The following ME3 variants were observed in gnomAD, a reference collection of about 807,000 sequenced individuals.
The protein encoded by ME3 is malic enzyme 3, also known as NADP-dependent malic enzyme, mitochondrial.
ME3 carries 48 observed loss-of-function variants against 68.9 expected under a neutral mutation model. The ratio of observed to expected loss-of-function variants is 0.70; its 90% CI spans 0.55 to 0.89. The LOEUF (loss-of-function observed/expected upper bound fraction) is 0.89. Ranked by LOEUF, ME3 falls within the 40% of genes least tolerant of loss-of-function variation. The probability of loss-of-function intolerance (pLI) is 0.00; values close to 1 mark genes in which losing one functional copy is unlikely to be tolerated. For synonymous variants in ME3, 320 were observed against 318.8 expected, an observed-to-expected ratio of 1.00 and a Z score of -0.04; for missense variants, 675 against 797.4, an observed-to-expected ratio of 0.85 and a Z score of 1.85.
chr11:86,600,320 G>A (rs1032894109), intron 2 of ME3, among the ~76,000 whole-genome samples: 3 of 152,182 alleles, frequency 2.0e-5, no homozygotes, highest in Admixed American at 6.5e-5. Context: ...TGATAAAACA[G>A]ACTCTAAACC....
At chr11:86,655,440 G>A (rs1226505889) in intron 2 of ME3, among the ~76,000 whole-genome samples, 2 of 151,988 alleles carry the variant, frequency 1.3e-5, no homozygotes, top group Admixed American at 6.6e-5. Flanking sequence ...CAGAAATAAC[G>A]CCACGTATCT....
intron 2 of ME3, among the ~76,000 whole-genome samples, chr11:86,663,039 C>CT (rs1946381327): frequency 6.6e-6 from 1 of 152,190 alleles, no homozygotes. Context: ...TCAACAGAGA[C>CT]TGCCTTCTCC....
At chr11:86,612,663 G>A (rs950510010) in intron 2 of ME3, among the ~76,000 whole-genome samples, 1 of 152,212 alleles carries the variant, frequency 6.6e-6, no homozygotes, top group Non-Finnish European at 1.5e-5. Context: ...CTGATGATCA[G>A]TGATGTTTAG....
intron 7 of ME3, among the ~76,000 whole-genome samples, chr11:86,467,816 G>T (rs1950569895): frequency 6.6e-6 from 1 of 151,886 alleles, no homozygotes; most frequent in African/African-American, 2.4e-5. Context: ...ATTTAATTCA[G>T]TTTTATATAA....
At chr11:86,622,908 C>T (rs371781945) in intron 2 of ME3, 2 of 150,588 alleles carry the variant, frequency 1.3e-5, no homozygotes, top group Non-Finnish European at 2.9e-5. Flanking sequence ...AGGCGGACTA[C>T]CTGGATTCAA....
chr11:86,505,663 C>T (rs557906350), intron 5 of ME3, among the ~76,000 whole-genome samples: 2 of 152,286 alleles, frequency 1.3e-5, no homozygotes, highest in Admixed American at 6.5e-5. Flanking sequence ...AAGTGCCCTT[C>T]GATGTGTATA....
chr11:86,446,626 TATTTAAAGCA>T, intron 12 of ME3, 139 bp from the exon 13 acceptor site: 1 of 804,524 alleles, frequency 1.2e-6, no homozygotes, highest in Non-Finnish European at 2.0e-6. Context: ...ACATGGCAGG[TATTTAAAGCA>T]CATTTGTCAT....
intron 2 of ME3, among the ~76,000 whole-genome samples, chr11:86,563,607 C>A (rs987145217): frequency 6.6e-6 from 1 of 152,108 alleles, no homozygotes; most frequent in African/African-American, 2.4e-5. Flanking sequence ...ATCTTAGATG[C>A]ACTGAGTTAA....
intron 2 of ME3, among the ~76,000 whole-genome samples, chr11:86,614,452 T>C (rs1043964434): frequency 2.6e-5 from 4 of 152,158 alleles, no homozygotes; most frequent in African/African-American, 7.2e-5. Flanking sequence ...TTGCTGTGAG[T>C]CCAGAACCCC....
intron 2 of ME3, among the ~76,000 whole-genome samples, chr11:86,638,105 C>A (rs559690572): frequency 6.6e-6 from 1 of 151,986 alleles, no homozygotes; most frequent in South Asian, 2.1e-4. Flanking sequence ...TGTGCCTCCC[C>A]ACATGCTGTC....
chr11:86,591,933 T>C (rs1317708250), intron 2 of ME3, among the ~76,000 whole-genome samples: 1 of 152,054 alleles, frequency 6.6e-6, no homozygotes, highest in Non-Finnish European at 1.5e-5. Context: ...ATATCAGACA[T>C]CTAGAGTCCA....
chr11:86,492,501 C>G (rs1030645154), intron 6 of ME3, among the ~76,000 whole-genome samples: 3 of 152,192 alleles, frequency 2.0e-5, no homozygotes, highest in African/African-American at 7.2e-5. Context: ...GGGTGGGGAC[C>G]AGGCTTATTC....
chr11:86,625,508 A>C lies in ME3; in HGVS notation c.183+46254T>G, dbSNP rs111268969. Among the ~76,000 whole-genome samples, 479 of 152,296 alleles carry C rather than the reference A, an allele frequency of 3.1e-3. 2 individuals are homozygous for C. The highest frequency in any genetic ancestry group is 0.01 in the African/African-American group (431 of 41,556). On this transcript the variant is annotated intron_variant, in intron 2 of 14. Transcript: ENST00000543262. The stretch of plus-strand genomic sequence containing the variant: ...GAGAATATGGGCTCTGGAGTCAAAG[A>C]GACCTGGGTTTGAATCCCAGCTCTT...
chr11:86,534,066 GGT>G (rs747610946), intron 4 of ME3, among the ~76,000 whole-genome samples: 81 of 48,958 alleles, frequency 1.7e-3, no homozygotes, highest in Admixed American at 3.6e-3. Context: ...GTAAAAATGA[GGT>G]GTGTGTGTGT....
intron 7 of ME3, among the ~76,000 whole-genome samples, chr11:86,477,954 A>G (rs752579773): frequency 1.3e-5 from 2 of 152,148 alleles, no homozygotes; most frequent in Non-Finnish European, 2.9e-5. Context: ...ACAATGAGCC[A>G]TATCAGGCTG....
chr11:86,545,612 G>A (rs913783647), intron 4 of ME3, among the ~76,000 whole-genome samples: 1 of 152,198 alleles, frequency 6.6e-6, no homozygotes, highest in Non-Finnish European at 1.5e-5. Flanking sequence ...TACAAGGGAT[G>A]TGAAGGACCC....
Position 86,591,094 on chromosome 11 carries a change from T to C in ME3, c.184-31271A>G, listed in dbSNP as rs550586051. On this transcript the variant is annotated intron_variant, in intron 2 of 14. Coordinates refer to ENST00000543262, the Ensembl canonical transcript of ME3. Reference sequence around the variant, plus strand: ...GGGCTAGAGCTGCTTCCATTTATGTTCCTAAGCACTGCTTTGGCATTTATA... The same window carrying C: ...GGGCTAGAGCTGCTTCCATTTATGTCCCTAAGCACTGCTTTGGCATTTATA... 1.9e-3 allele frequency among the ~76,000 whole-genome samples: 285 copies of C among 152,326 alleles called. 1 individual carries two copies. Among genetic ancestry groups the C allele is most frequent in the African/African-American group, 6.6e-3 (274 of 41,554 alleles).
rs113985126 is a variant in ME3 at position 86,635,862 on chromosome 11, A to C, written c.183+35900T>G. Among the ~76,000 whole-genome samples, 670 of 152,364 alleles carry C rather than the reference A, an allele frequency of 4.4e-3. 1 individual carries two copies. Among genetic ancestry groups the C allele is most frequent in the African/African-American group, 0.015 (618 of 41,580 alleles). On this transcript the variant is annotated intron_variant, in intron 2 of 14. Transcript: ENST00000543262. ...GTTGATACTCATCTTGCAGACAAGG[A>C]AACAGACTTAGGGAAGTTGAGAGAT...
chr11:86,462,773 A>G (rs553129584), intron 8 of ME3: 4 of 457,602 alleles, frequency 8.7e-6, no homozygotes, highest in South Asian at 4.7e-5. Flanking sequence ...TTGGGGTACA[A>G]TGAAGTAAGA....
Sources: allele counts gnomAD v4.1 joint callset (sites outside exome capture counted in the v4.1 genomes callset), GRCh38; gene constraint gnomAD v4.1.1; transcripts MANE v1.5; gene names NCBI Gene and HGNC (gene_info 2026-07-23, HGNC 2026-07-21).